The following SLAMF1 variants were observed in gnomAD, a reference collection of about 807,000 sequenced individuals.
SLAMF1 encodes the protein signaling lymphocytic activation molecule.
SLAMF1 carries 18 observed loss-of-function variants against 35.1 expected under a neutral mutation model. That is an observed-to-expected ratio of 0.51 (90% CI 0.35 to 0.76). SLAMF1 has a LOEUF of 0.76. SLAMF1 is among the 30% of genes least tolerant of loss of function. SLAMF1 has a pLI of 0.01. For missense variants in SLAMF1, 392 were observed against 413.0 expected, an observed-to-expected ratio of 0.95 and a Z score of 0.44; for synonymous variants, 168 against 157.2, an observed-to-expected ratio of 1.07 and a Z score of -0.51.
At chr1:160,632,130 G>T (rs1483282627) in intron 3 of SLAMF1, among the ~76,000 whole-genome samples, 4 of 152,060 alleles carry the variant, frequency 2.6e-5, no homozygotes, top group Admixed American at 2.6e-4. Context: ...AATACATTTT[G>T]ATTGTTTAAG....
rs139208123 is a variant in SLAMF1, at chr1:160,614,209, T to G, written c.865-1629A>C. Among the ~76,000 whole-genome samples the G allele has an allele frequency of 1.8e-4, 27 of 152,338 alleles. 1 individual carries two copies. In the East Asian group the frequency reaches 3.7e-3, roughly 21 times the overall value. On this transcript the variant is annotated intron_variant, in intron 5 of 6. Coordinates refer to ENST00000302035, the MANE Select transcript of SLAMF1 (RefSeq NM_003037.5). ...AGATCCCATACAATTCTTAAATACATTTTGAAGAAATTTTGAGTTTAAGAA... is the reference window on the plus strand; with the variant it reads ...AGATCCCATACAATTCTTAAATACAGTTTGAAGAAATTTTGAGTTTAAGAA...
intron 1 of SLAMF1, among the ~76,000 whole-genome samples, chr1:160,645,088 C>T (rs772898842): frequency 4.6e-5 from 7 of 152,156 alleles, no homozygotes; most frequent in Non-Finnish European, 8.8e-5. Flanking sequence ...TCTATTAAAA[C>T]AAATCTCATC....
At chr1:160,640,692 G>C (rs1014180785) in intron 1 of SLAMF1, among the ~76,000 whole-genome samples, 37 of 152,060 alleles carry the variant, frequency 2.4e-4, no homozygotes, top group African/African-American at 8.9e-4. Context: ...TCAGCTAATA[G>C]TAGACTAGAG....
Position 160,634,722 on chromosome 1 carries a change from G to T in SLAMF1, c.591C>A (p.Thr197=), listed in dbSNP as rs1660338351. Residue 197 remains threonine (T), a synonymous_variant, in exon 3 of 7, where the codon ACC becomes ACA. Transcript: ENST00000302035. ...TATTGTCAGCATGCTGGGGGCCGAG[G>T]GTGAGGGACAGGAGGTGGGAGCTGT... is the stretch of plus-strand genomic sequence containing the variant. The part of the protein sequence containing the change: ...PANSSHLLSL[T]LGPQHADNIY... The T allele has an allele frequency of 5.0e-6, 8 of 1,614,192 alleles. No homozygotes were observed. Among genetic ancestry groups the T allele is most frequent in the Non-Finnish European group, 6.8e-6 (8 of 1,180,026 alleles).
intron 1 of SLAMF1, among the ~76,000 whole-genome samples, chr1:160,643,466 T>A (rs1403043320): frequency 1.3e-5 from 2 of 152,226 alleles, no homozygotes; most frequent in Non-Finnish European, 2.9e-5. Flanking sequence ...AATTTTATTA[T>A]TCGTTTGGAT....
chr1:160,613,427 TTGA>T (rs143487018), intron 5 of SLAMF1, among the ~76,000 whole-genome samples: 175 of 152,364 alleles, frequency 1.1e-3, no homozygotes, highest in African/African-American at 3.8e-3. Flanking sequence ...CTGATATTTG[TTGA>T]TGTTACTTTG....
At chr1:160,640,273 C>A (rs1220482603) in intron 1 of SLAMF1, among the ~76,000 whole-genome samples, 3 of 143,742 alleles carry the variant, frequency 2.1e-5, no homozygotes, top group Non-Finnish European at 4.5e-5. Flanking sequence ...TGAATGAATG[C>A]TGAAAACCAT....
At chr1:160,621,145 A>G (rs1459850052) in intron 4 of SLAMF1, among the ~76,000 whole-genome samples, 1 of 152,218 alleles carries the variant, frequency 6.6e-6, no homozygotes, top group East Asian at 1.9e-4. Flanking sequence ...GGAAAGTGGC[A>G]GACTGAAGGA....
intron 2 of SLAMF1, among the ~76,000 whole-genome samples, chr1:160,636,273 G>T (rs923967072): frequency 6.6e-6 from 1 of 152,204 alleles, no homozygotes; most frequent in Admixed American, 6.5e-5. Flanking sequence ...TGGGAATTCC[G>T]CAGGCACTGT....
chr1:160,612,266 T>G (rs1301922707), intron 6 of SLAMF1, among the ~76,000 whole-genome samples: 1 of 152,016 alleles, frequency 6.6e-6, no homozygotes, highest in African/African-American at 2.4e-5. Context: ...TTTACTTTTA[T>G]TTTAAGTTCA....
chr1:160,645,021 T>A (rs1660960753), intron 1 of SLAMF1, among the ~76,000 whole-genome samples: 1 of 152,150 alleles, frequency 6.6e-6, no homozygotes, highest in Non-Finnish European at 1.5e-5. Context: ...ATATGGGAAA[T>A]CTCTGTTCTT....
chr1:160,629,642 A>G (rs756355658), intron 3 of SLAMF1, among the ~76,000 whole-genome samples: 1 of 152,186 alleles, frequency 6.6e-6, no homozygotes, highest in Non-Finnish European at 1.5e-5. Context: ...TTCCAGAAAA[A>G]TCACTTACAA....
At chr1:160,641,023 T>C (rs1270245403) in intron 1 of SLAMF1, among the ~76,000 whole-genome samples, 2 of 152,316 alleles carry the variant, frequency 1.3e-5, no homozygotes, top group African/African-American at 2.4e-5. Flanking sequence ...ACCTGACTTG[T>C]AGGCACAGTA....
chr1:160,616,797 A>T (rs2089088), intron 5 of SLAMF1, among the ~76,000 whole-genome samples: 2 of 152,058 alleles, frequency 1.3e-5, no homozygotes, highest in African/African-American at 4.8e-5. Flanking sequence ...GAATAAAAGC[A>T]TAATAAGACA....
At chr1:160,614,631 C>A (rs888648753) in intron 5 of SLAMF1, among the ~76,000 whole-genome samples, 2 of 151,354 alleles carry the variant, frequency 1.3e-5, no homozygotes, top group Non-Finnish European at 2.9e-5. Context: ...CTCTGCTGGT[C>A]TTCCTGTTTG....
chr1:160,639,886 T>C (rs1660650017), intron 1 of SLAMF1, among the ~76,000 whole-genome samples: 1 of 152,282 alleles, frequency 6.6e-6, no homozygotes, highest in African/African-American at 2.4e-5. Context: ...CACTGGCTCC[T>C]GGCTGTTTCT....
At chr1:160,619,038 T>C (rs1012810123) in intron 5 of SLAMF1, among the ~76,000 whole-genome samples, 2 of 152,196 alleles carry the variant, frequency 1.3e-5, no homozygotes, top group Non-Finnish European at 2.9e-5. Context: ...TAAGGTACTA[T>C]CAAAACCATC....
chr1:160,641,405 A>G (rs1213166643), intron 1 of SLAMF1, among the ~76,000 whole-genome samples: 2 of 152,132 alleles, frequency 1.3e-5, no homozygotes, highest in Non-Finnish European at 2.9e-5. Context: ...TGCTTTCAGA[A>G]CTTGGAGTTG....
chr1:160,618,568 G>A (rs1273166916), intron 5 of SLAMF1, among the ~76,000 whole-genome samples: 2 of 152,176 alleles, frequency 1.3e-5, no homozygotes, highest in Non-Finnish European at 2.9e-5. Context: ...ATAGAGTAGA[G>A]AACAGACTCC....
Sources: gnomAD v4.1 joint callset for allele counts (sites outside exome capture counted in the v4.1 genomes callset) on GRCh38, gnomAD v4.1.1 for gene constraint, MANE v1.5 for transcripts, NCBI Gene and HGNC (gene_info 2026-07-23, HGNC 2026-07-21) for gene names.